Variants in AFF1 observed in about 807,000 individuals in gnomAD.
AFF1 encodes the protein ALF transcription elongation factor 1, also known as AF4/FMR2 family member 1.
Under a neutral mutation model 121.7 loss-of-function variants are expected in AFF1, and 48 were observed. The observed-to-expected ratio is 0.39, with a 90% CI of 0.31 to 0.50. AFF1 has a LOEUF of 0.50. Among genes scored for constraint, AFF1 ranks in the 20% least tolerant of loss-of-function variants. The pLI is 0.76. For missense variants in AFF1, 1,523 were observed against 1,511.7 expected (o/e 1.01, Z -0.12); for synonymous variants, 613 against 563.0 (o/e 1.09, Z -1.26).
chr4:87,025,000 T>C (rs1728386483), intron 2 of AFF1, among the ~76,000 whole-genome samples: 1 of 152,256 alleles, frequency 6.6e-6, no homozygotes, highest in Non-Finnish European at 1.5e-5. Context: ...CCTTCACCTC[T>C]GCTGTGAGAT....
chr4:87,137,798 C>CT lies in AFF1; in HGVS notation c.*2099dup, dbSNP rs749838032. The CT allele has an allele frequency of 1.3e-4, 30 of 231,712 alleles. No homozygotes were observed. The highest frequency in any genetic ancestry group is 1.1e-4 in the Admixed American group (2 of 17,728). 14.4% of individuals were successfully genotyped at this position (231,712 alleles called of 1,614,324 possible). On this transcript the variant is annotated 3_prime_UTR_variant, in exon 21 of 21. Transcript: ENST00000395146. ...TGTTATTTAACATCTTTCTTTTTTC[C>CT]TTACTCCCTTAGCCATCCCCTCCCC...
chr4:87,109,799 C>A (rs994301541), intron 11 of AFF1, among the ~76,000 whole-genome samples: 5 of 152,090 alleles, frequency 3.3e-5, no homozygotes, highest in Admixed American at 2.6e-4. Context: ...TAGAGTGAAA[C>A]CTCTGTAAAA....
At chr4:87,135,212 G>A (rs1729197552) in intron 20 of AFF1, among the ~76,000 whole-genome samples, 1 of 152,208 alleles carries the variant, frequency 6.6e-6, no homozygotes, top group South Asian at 2.1e-4. Context: ...GAGAGTTGGA[G>A]CCAGCTGGCT....
At chr4:87,046,001 C>T (rs1730649558) in intron 2 of AFF1, among the ~76,000 whole-genome samples, 165 bp from the exon 3 acceptor site, 1 of 152,084 alleles carries the variant, frequency 6.6e-6, no homozygotes, top group Admixed American at 6.6e-5. Context: ...TGAGGCCTCA[C>T]CCTAAGGCTG....
chr4:87,120,348 C>G lies in AFF1; in HGVS notation c.2467-4689C>G, dbSNP rs562664450. ...ACTGCTTCTCCAGTTTTCTGTGTTG[C>G]ATGTGCTACCAAGCTCATTTGCTTC... On this transcript the variant is annotated intron_variant, in intron 12 of 20. Transcript: ENST00000395146. 2.6e-5 allele frequency among the ~76,000 whole-genome samples: 4 copies of G among 152,330 alleles called. No homozygotes were observed. In the East Asian group the frequency reaches 7.7e-4, roughly 29 times the overall value.
At chr4:87,117,028 C>T (rs970877883) in intron 12 of AFF1, among the ~76,000 whole-genome samples, 4 of 152,128 alleles carry the variant, frequency 2.6e-5, no homozygotes, top group African/African-American at 7.2e-5. Flanking sequence ...CAGTGCTGAC[C>T]GTCTGCATTA....
intron 1 of AFF1, among the ~76,000 whole-genome samples, chr4:86,937,794 T>G (rs1398001506): frequency 3.2e-4 from 43 of 133,654 alleles, no homozygotes; most frequent in Non-Finnish European, 3.8e-4. Flanking sequence ...GGGGTGGGGG[T>G]GGGGGGCTCC....
intron 2 of AFF1, among the ~76,000 whole-genome samples, chr4:87,019,918 C>A (rs942297049): frequency 2.6e-5 from 4 of 151,618 alleles, no homozygotes; most frequent in Non-Finnish European, 5.9e-5. Context: ...GAGCCCTCAA[C>A]CTGTGGGATC....
intron 2 of AFF1, among the ~76,000 whole-genome samples, chr4:87,043,266 G>A (rs948758284): frequency 1.3e-5 from 2 of 152,178 alleles, no homozygotes; most frequent in Admixed American, 6.5e-5. Context: ...TAGCCAAGCA[G>A]ACAAGCACAT....
At chr4:87,067,893 C>T (rs1317168082) in intron 4 of AFF1, among the ~76,000 whole-genome samples, 4 of 152,072 alleles carry the variant, frequency 2.6e-5, no homozygotes, top group African/African-American at 7.2e-5. Flanking sequence ...TTTTATTACT[C>T]GGATTTTTAT....
chr4:87,139,593 T>A lies in AFF1; in HGVS notation c.*3892T>A. The A allele has an allele frequency of 4.3e-6, 1 of 230,402 alleles. No homozygotes were observed. Among genetic ancestry groups the A allele is most frequent in the Non-Finnish European group, 8.6e-6 (1 of 116,102 alleles). 14.3% of individuals were successfully genotyped at this position (230,402 alleles called of 1,614,324 possible). On this transcript the variant is annotated 3_prime_UTR_variant, in exon 21 of 21. Coordinates refer to ENST00000395146, the MANE Select transcript of AFF1 (RefSeq NM_001166693.3). ...GTTACGCATTGCAGCCATGAAGGGATGCTAGGATCAATTATGGCAGTACCT... is the reference window on the plus strand; with the variant it reads ...GTTACGCATTGCAGCCATGAAGGGAAGCTAGGATCAATTATGGCAGTACCT...
At chr4:87,104,347 G>T (rs1053888033) in intron 8 of AFF1, among the ~76,000 whole-genome samples, 16 of 152,194 alleles carry the variant, frequency 1.1e-4, no homozygotes, top group Non-Finnish European at 2.4e-4. Flanking sequence ...AGAGGTTGCA[G>T]TAAGCCAAGA....
chr4:87,029,737 C>T (rs907210991), intron 2 of AFF1, among the ~76,000 whole-genome samples: 19 of 152,104 alleles, frequency 1.2e-4, no homozygotes, highest in African/African-American at 4.3e-4. Context: ...GTCCGTTATT[C>T]ACTTTAAGAT....
chr4:86,965,177 T>C (rs1354522980), intron 2 of AFF1, among the ~76,000 whole-genome samples: 1 of 152,256 alleles, frequency 6.6e-6, no homozygotes, highest in Non-Finnish European at 1.5e-5. Flanking sequence ...TTGACTCAAC[T>C]GTTGAAAACT....
rs545930703 is a variant in AFF1, at chr4:87,126,171, G to A, written c.2646G>A (p.Gln882=). 2.8e-5 allele frequency: 45 copies of A among 1,614,102 alleles called. No individual in the cohort carries two copies. In the Middle Eastern group the frequency reaches 8.2e-4, roughly 30 times the overall value. ...LPPPPVSSSS[Q]KPAKPALKRS... Reference sequence around the variant, plus strand: ...CGCCACCCGTGTCCTCGTCCTCCCAGAAGCCAGCCAAGCCTGCACTTAAGA... The same window carrying A: ...CGCCACCCGTGTCCTCGTCCTCCCAAAAGCCAGCCAAGCCTGCACTTAAGA... The change falls in exon 14 of 21, where the codon CAG becomes CAA. Residue 882 remains glutamine (Q), a synonymous_variant. Transcript: ENST00000395146.
chr4:87,023,056 A>G (rs559483932), intron 2 of AFF1, among the ~76,000 whole-genome samples: 92 of 151,830 alleles, frequency 6.1e-4, no homozygotes, highest in African/African-American at 2.1e-3. Context: ...GCAGGCACAC[A>G]CCACCATGCC....
intron 2 of AFF1, among the ~76,000 whole-genome samples, chr4:86,986,830 CAT>C (rs1326173141): frequency 1.1e-4 from 17 of 152,002 alleles, no homozygotes; most frequent in Admixed American, 2.0e-4. Flanking sequence ...TTTTAGATAA[CAT>C]AATAGTATTG....
intron 2 of AFF1, among the ~76,000 whole-genome samples, chr4:86,989,381 G>A (rs186670017): frequency 6.6e-6 from 1 of 152,288 alleles, no homozygotes; most frequent in East Asian, 1.9e-4. Context: ...TATGAATAGA[G>A]ACTTCTCAAA....
At chr4:87,100,048 T>C (rs900147183) in intron 8 of AFF1, among the ~76,000 whole-genome samples, 9 of 152,200 alleles carry the variant, frequency 5.9e-5, no homozygotes, top group African/African-American at 2.2e-4. Context: ...TTTGCATATA[T>C]AAAACCTGGA....
Sources: allele counts gnomAD v4.1 joint callset (sites outside exome capture counted in the v4.1 genomes callset), GRCh38; gene constraint gnomAD v4.1.1; transcripts MANE v1.5; gene names NCBI Gene and HGNC (gene_info 2026-07-23, HGNC 2026-07-21).